The following SMOC2 variants were observed in gnomAD, a reference collection of about 807,000 sequenced individuals.
SMOC2 encodes SPARC-related modular calcium-binding protein 2.
Under a neutral mutation model 61.4 loss-of-function variants are expected in SMOC2, and 39 were observed. The ratio of observed to expected loss-of-function variants is 0.64; its 90% confidence interval spans 0.49 to 0.83. The LOEUF is 0.83. Ranked by LOEUF, SMOC2 falls within the 40% of genes least tolerant of loss-of-function variation. SMOC2 has a pLI of 0.00. For synonymous variants in SMOC2, 247 were observed against 239.9 expected (o/e 1.03, Z -0.27); for missense variants, 556 against 592.9 (o/e 0.94, Z 0.65).
intron 1 of SMOC2, among the ~76,000 whole-genome samples, chr6:168,490,394 G>A (rs150163235): frequency 3.3e-5 from 5 of 152,248 alleles, no homozygotes; most frequent in South Asian, 2.1e-4. Flanking sequence ...CTTGTGTCTC[G>A]TCAAGGCGCG....
At chr6:168,645,678 A>T (rs1787007715) in intron 9 of SMOC2, among the ~76,000 whole-genome samples, 1 of 152,230 alleles carries the variant, frequency 6.6e-6, no homozygotes, top group Admixed American at 6.5e-5. Context: ...CAAGGTGCCC[A>T]GCAGGTGTTC....
chr6:168,649,179 C>T (rs1403192582), intron 9 of SMOC2, among the ~76,000 whole-genome samples: 1 of 152,250 alleles, frequency 6.6e-6, no homozygotes. Context: ...TGCCTGGGCT[C>T]TGCAGCTCTC....
chr6:168,466,643 G>T (rs1781840585), intron 1 of SMOC2, among the ~76,000 whole-genome samples: 1 of 152,228 alleles, frequency 6.6e-6, no homozygotes, highest in South Asian at 2.1e-4. Flanking sequence ...TAGTATTTGT[G>T]CATGCGCTTT....
intron 1 of SMOC2, among the ~76,000 whole-genome samples, chr6:168,455,406 C>T (rs531417103): frequency 2.6e-5 from 4 of 152,172 alleles, no homozygotes; most frequent in South Asian, 2.1e-4. Flanking sequence ...GCAGGAAGGA[C>T]GCTGGCTCGG....
intron 1 of SMOC2, among the ~76,000 whole-genome samples, chr6:168,464,906 C>T (rs2115006953): frequency 6.6e-6 from 1 of 152,110 alleles, no homozygotes; most frequent in Admixed American, 6.5e-5. Flanking sequence ...CACCTGGCCG[C>T]ACAGTGCCTG....
intron 1 of SMOC2, among the ~76,000 whole-genome samples, chr6:168,473,095 A>T (rs1010199541): frequency 1.3e-5 from 2 of 152,180 alleles, no homozygotes; most frequent in Non-Finnish European, 2.9e-5. Context: ...GTACGATTGT[A>T]AATTCAACCT....
intron 8 of SMOC2, among the ~76,000 whole-genome samples, chr6:168,603,103 C>T (rs1447331871): frequency 1.4e-5 from 2 of 144,978 alleles, no homozygotes; most frequent in East Asian, 2.0e-4. Flanking sequence ...TGGTTTTATA[C>T]GTGTCTGACA....
intron 2 of SMOC2, among the ~76,000 whole-genome samples, chr6:168,525,709 C>T (rs536213306): frequency 6.6e-6 from 1 of 152,220 alleles, no homozygotes; most frequent in Admixed American, 6.5e-5. Context: ...ATCCACCTGA[C>T]AGTCAGATTT....
At chr6:168,589,343 G>C (rs1785119793) in intron 7 of SMOC2, among the ~76,000 whole-genome samples, 1 of 152,250 alleles carries the variant, frequency 6.6e-6, no homozygotes, top group Non-Finnish European at 1.5e-5. Flanking sequence ...TCCCAGAGCA[G>C]ACTGGATGTG....
At chr6:168,626,424 A>G (rs1019790512) in intron 9 of SMOC2, among the ~76,000 whole-genome samples, 2 of 152,194 alleles carry the variant, frequency 1.3e-5, no homozygotes, top group Non-Finnish European at 2.9e-5. Flanking sequence ...TCGTCCAGAG[A>G]AGGGGAGACA....
At chr6:168,582,797 G>C (rs7751054) in intron 7 of SMOC2, among the ~76,000 whole-genome samples, 168 of 152,342 alleles carry the variant, frequency 1.1e-3, no homozygotes, top group African/African-American at 3.9e-3. Flanking sequence ...ACATTCAGAA[G>C]ACTCAGCTCA....
At chr6:168,564,988 G>A (rs992731508) in intron 7 of SMOC2, among the ~76,000 whole-genome samples, 1 of 152,200 alleles carries the variant, frequency 6.6e-6, no homozygotes, top group East Asian at 1.9e-4. Context: ...AACATCAACA[G>A]CATCTCTGAA....
intron 8 of SMOC2, among the ~76,000 whole-genome samples, chr6:168,604,045 G>A (rs1474956913): frequency 6.6e-6 from 1 of 152,252 alleles, no homozygotes; most frequent in Non-Finnish European, 1.5e-5. Flanking sequence ...AGCCTCCATT[G>A]AGGCTGTCAT....
chr6:168,463,306 C>T (rs564924100), intron 1 of SMOC2, among the ~76,000 whole-genome samples: 16 of 152,252 alleles, frequency 1.1e-4, no homozygotes, highest in South Asian at 1.0e-3. Context: ...GAAATCAAGG[C>T]GTTAGAAGAT....
chr6:168,531,964 T>C lies in SMOC2; in HGVS notation c.463+4237T>C, dbSNP rs988127908. ...GCTCTGGAGAGTGGGGTGAGGTTGA[T>C]GGCAAATGGTGTGGTGCCTTGGATA... On this transcript the variant is annotated intron_variant, in intron 4 of 12. Transcript: ENST00000356284. Among the ~76,000 whole-genome samples the C allele has an allele frequency of 1.1e-4, 16 of 152,256 alleles. 1 individual carries two copies. The highest frequency in any genetic ancestry group is 3.6e-4 in the African/African-American group (15 of 41,570).
intron 1 of SMOC2, among the ~76,000 whole-genome samples, chr6:168,491,127 T>C (rs1465877491): frequency 1.3e-5 from 2 of 152,202 alleles, no homozygotes; most frequent in African/African-American, 4.8e-5. Context: ...TATTTCTGCA[T>C]CATCTCATGC....
intron 1 of SMOC2, among the ~76,000 whole-genome samples, chr6:168,467,277 C>G (rs1314824499): frequency 6.6e-6 from 1 of 150,652 alleles, no homozygotes; most frequent in Non-Finnish European, 1.5e-5. Context: ...GGGCTCAACA[C>G]TTGGGGGACA....
chr6:168,524,308 G>T (rs1044340694), intron 2 of SMOC2, among the ~76,000 whole-genome samples: 2 of 152,182 alleles, frequency 1.3e-5, no homozygotes, highest in African/African-American at 4.8e-5. Context: ...TTTGAGTGAT[G>T]ATTTATGCAG....
chr6:168,634,340 A>T (rs1356471372), intron 9 of SMOC2, among the ~76,000 whole-genome samples: 1 of 152,170 alleles, frequency 6.6e-6, no homozygotes, highest in African/African-American at 2.4e-5. Context: ...GTAACTTTGC[A>T]TGGCACAGGA....
Sources: gnomAD v4.1 joint callset for allele counts (sites outside exome capture counted in the v4.1 genomes callset) on GRCh38, gnomAD v4.1.1 for gene constraint, MANE v1.5 for transcripts, NCBI Gene and HGNC (gene_info 2026-07-23, HGNC 2026-07-21) for gene names.